Variants in ENOX1 observed in about 807,000 individuals in gnomAD.
The protein encoded by ENOX1 is ecto-NOX disulfide-thiol exchanger 1.
Under a neutral mutation model 82.5 loss-of-function variants are expected in ENOX1, and 42 were observed. The ratio of observed to expected loss-of-function variants is 0.51; its 90% CI spans 0.40 to 0.66. The LOEUF (loss-of-function observed/expected upper bound fraction) is 0.66. Ranked by LOEUF, ENOX1 falls within the 30% of genes least tolerant of loss-of-function variation. The pLI is 0.00. For missense variants in ENOX1, 608 were observed against 811.6 expected (o/e 0.75, Z 3.05); for synonymous variants, 271 against 282.2 (o/e 0.96, Z 0.40).
chr13:43,381,483 A>AT (rs397715974), intron 5 of ENOX1, among the ~76,000 whole-genome samples: 4 of 150,066 alleles, frequency 2.7e-5, no homozygotes, highest in Non-Finnish European at 5.9e-5. Context: ...AAAAAAAAAA[A>AT]CCTTAAAAAA....
At chr13:43,677,679 A>G (rs456012) in intron 1 of ENOX1, among the ~76,000 whole-genome samples, 130,593 of 152,108 alleles carry the variant, frequency 0.86, 56,828 homozygotes, top group South Asian at 0.96. Flanking sequence ...TTTGCAAAGC[A>G]TTTTTTTACA....
intron 1 of ENOX1, among the ~76,000 whole-genome samples, chr13:43,711,365 G>A (rs552358784): frequency 2.0e-5 from 3 of 152,160 alleles, no homozygotes; most frequent in South Asian, 2.1e-4. Context: ...ATTGTGAATA[G>A]TGCCACAATA....
intron 2 of ENOX1, among the ~76,000 whole-genome samples, chr13:43,581,164 A>C (rs1254740196): frequency 9.3e-6 from 1 of 108,096 alleles, no homozygotes; most frequent in Admixed American, 1.5e-4. Flanking sequence ...ACGGAGTCTC[A>C]CTCTGTCGCC....
intron 9 of ENOX1, among the ~76,000 whole-genome samples, chr13:43,343,561 T>C (rs2049190083): frequency 6.6e-6 from 1 of 152,226 alleles, no homozygotes; most frequent in Admixed American, 6.5e-5. Flanking sequence ...ACATTTAAGA[T>C]CTCAGTTTTG....
At chr13:43,242,903 A>C (rs2042905675) in intron 14 of ENOX1, among the ~76,000 whole-genome samples, 1 of 152,178 alleles carries the variant, frequency 6.6e-6, no homozygotes, top group Non-Finnish European at 1.5e-5. Flanking sequence ...TGGGAGACTG[A>C]GGCAGGTGGA....
chr13:43,275,969 C>T (rs2045002442), intron 12 of ENOX1, among the ~76,000 whole-genome samples: 1 of 152,152 alleles, frequency 6.6e-6, no homozygotes, highest in Non-Finnish European at 1.5e-5. Flanking sequence ...ATAACTTGTT[C>T]CACTTATTGG....
intron 1 of ENOX1, among the ~76,000 whole-genome samples, chr13:43,710,109 G>A (rs1810176185): frequency 6.6e-6 from 1 of 152,032 alleles, no homozygotes; most frequent in South Asian, 2.1e-4. Flanking sequence ...TATAAACATA[G>A]TCAATCACAT....
intron 1 of ENOX1, among the ~76,000 whole-genome samples, chr13:43,682,672 A>C (rs949722026): frequency 6.6e-6 from 1 of 152,124 alleles, no homozygotes; most frequent in Non-Finnish European, 1.5e-5. Context: ...CCAAGATTTG[A>C]AAGTTTCTAA....
intron 3 of ENOX1, among the ~76,000 whole-genome samples, chr13:43,454,009 T>G (rs537572661): frequency 6.6e-6 from 1 of 152,180 alleles, no homozygotes; most frequent in South Asian, 2.1e-4. Flanking sequence ...TTTGAAAGAT[T>G]AAAAAATCAC....
In ENOX1 at chr13:43,696,199, T is replaced by C. The variant is rs752661488; in HGVS notation, c.-284-28655A>G. ...CAGATTTTGTTTATCTATTCATCAGTTGATGGACATGTGGGTTCTTCCCAC... is the reference window on the plus strand; with the variant it reads ...CAGATTTTGTTTATCTATTCATCAGCTGATGGACATGTGGGTTCTTCCCAC... On this transcript the variant is annotated intron_variant, in intron 1 of 16. Coordinates refer to ENST00000690772, the MANE Select transcript of ENOX1 (RefSeq NM_001347969.2). Among the ~76,000 whole-genome samples, 63 of 152,342 alleles carry C rather than the reference T, an allele frequency of 4.1e-4. 2 individuals carry two copies. Among genetic ancestry groups the C allele is most frequent in the South Asian group, 1.9e-3 (9 of 4,822 alleles).
chr13:43,235,857 G>A (rs1454329155), intron 15 of ENOX1, among the ~76,000 whole-genome samples: 1 of 152,124 alleles, frequency 6.6e-6, no homozygotes, highest in African/African-American at 2.4e-5. Flanking sequence ...CATGGAGCCA[G>A]TCTCACCTGG....
chr13:43,451,045 A>G (rs1451804922), intron 3 of ENOX1, among the ~76,000 whole-genome samples: 2 of 152,112 alleles, frequency 1.3e-5, no homozygotes, highest in Non-Finnish European at 2.9e-5. Context: ...AAACGTTGAG[A>G]CCTTGCATTT....
chr13:43,642,570 A>C (rs1203909238), intron 2 of ENOX1, among the ~76,000 whole-genome samples: 1 of 152,202 alleles, frequency 6.6e-6, no homozygotes, highest in Non-Finnish European at 1.5e-5. Flanking sequence ...TTTCAAAGTA[A>C]CAGAAGCAGA....
chr13:43,338,689 T>G (rs1161672871), intron 9 of ENOX1, among the ~76,000 whole-genome samples: 1 of 136,898 alleles, frequency 7.3e-6, no homozygotes, highest in South Asian at 2.6e-4. Flanking sequence ...TTTTTTTTTT[T>G]TTTTTTTTTT....
intron 5 of ENOX1, among the ~76,000 whole-genome samples, chr13:43,381,543 G>A (rs1231208095): frequency 1.3e-5 from 2 of 149,556 alleles, no homozygotes; most frequent in African/African-American, 4.9e-5. Flanking sequence ...TTAAGAACAG[G>A]AATTAGTGAC....
At chr13:43,755,134 T>G (rs565123917) in intron 1 of ENOX1, among the ~76,000 whole-genome samples, 81 of 151,972 alleles carry the variant, frequency 5.3e-4, no homozygotes, top group African/African-American at 1.9e-3. Flanking sequence ...AAAACACTTC[T>G]CCATTCCACA....
At chr13:43,335,046 C>T (rs1311722765) in intron 9 of ENOX1, among the ~76,000 whole-genome samples, 1 of 152,180 alleles carries the variant, frequency 6.6e-6, no homozygotes, top group Non-Finnish European at 1.5e-5. Context: ...GCAAAGGGGG[C>T]TAGGCTAGAC....
chr13:43,370,222 C>T (rs546006894), intron 5 of ENOX1, among the ~76,000 whole-genome samples: 12 of 152,208 alleles, frequency 7.9e-5, no homozygotes, highest in African/African-American at 2.4e-4. Flanking sequence ...AAAAAATTAG[C>T]TGGGAGTGGT....
intron 1 of ENOX1, among the ~76,000 whole-genome samples, chr13:43,688,222 C>T (rs2086175345): frequency 6.6e-6 from 1 of 152,050 alleles, no homozygotes; most frequent in East Asian, 1.9e-4. Flanking sequence ...AACAAGTAGA[C>T]CTTCAACATT....
Sources: gnomAD v4.1 joint callset for allele counts (sites outside exome capture counted in the v4.1 genomes callset) on GRCh38, gnomAD v4.1.1 for gene constraint, MANE v1.5 for transcripts, NCBI Gene and HGNC (gene_info 2026-07-23, HGNC 2026-07-21) for gene names.